The following SNX7 variants were observed in gnomAD, a reference collection of about 807,000 sequenced individuals.
The protein encoded by SNX7 is sorting nexin 7, also known as sorting nexin-7.
Under a neutral mutation model 48.4 loss-of-function variants are expected in SNX7, and 35 were observed. That is an observed-to-expected ratio of 0.72 (90% CI 0.55 to 0.96). SNX7 has a LOEUF of 0.96. Ranked by LOEUF, SNX7 falls within the 40% of genes least tolerant of loss-of-function variation. The pLI, the probability that SNX7 is intolerant of heterozygous loss-of-function variation, is 0.00. For missense variants in SNX7, 553 were observed against 548.9 expected (o/e 1.01, Z -0.07); for synonymous variants, 190 against 190.2 (o/e 1.00, Z 0.01).
chr1:98,714,799 G>A (rs542436580), intron 7 of SNX7, among the ~76,000 whole-genome samples: 1 of 152,294 alleles, frequency 6.6e-6, no homozygotes, highest in African/African-American at 2.4e-5. Flanking sequence ...GACTGAAAGC[G>A]AGCGGACGAA....
intron 7 of SNX7, among the ~76,000 whole-genome samples, chr1:98,719,659 T>A (rs552520066): frequency 1.3e-5 from 2 of 151,792 alleles, no homozygotes; most frequent in East Asian, 3.9e-4. Context: ...CTAGCAGAAG[T>A]TTCTAGTTTT....
chr1:98,666,079 T>C (rs1049656064), intron 1 of SNX7, among the ~76,000 whole-genome samples: 4 of 152,236 alleles, frequency 2.6e-5, no homozygotes, highest in Admixed American at 6.5e-5. Context: ...TGCTTACTAA[T>C]TTCTCACATA....
Position 98,691,067 on chromosome 1 carries a change from T to C in SNX7, c.364-8T>C. The C allele has an allele frequency of 6.3e-7, 1 of 1,583,694 alleles. No individual in the cohort carries two copies. The highest frequency in any genetic ancestry group is 8.6e-7 in the Non-Finnish European group (1 of 1,157,396). On this transcript the variant is annotated splice_polypyrimidine_tract_variant and splice_region_variant and intron_variant, in intron 2 of 8. Coordinates refer to ENST00000306121, the MANE Select transcript of SNX7 (RefSeq NM_015976.5). The stretch of plus-strand genomic sequence containing the variant: ...GCATGTGCTGTTATTTTCTCTTACT[T>C]TCTTCAGACATCTCGTGGGGAATTT...
intron 1 of SNX7, among the ~76,000 whole-genome samples, chr1:98,678,614 T>C (rs1650305024): frequency 6.6e-6 from 1 of 152,150 alleles, no homozygotes; most frequent in Non-Finnish European, 1.5e-5. Flanking sequence ...TTCTAAAAAG[T>C]AAAGTGCTCA....
chr1:98,661,829 G>A lies in SNX7; in HGVS notation c.98G>A (p.Gly33Asp), dbSNP rs1041923379. 1.4e-5 allele frequency: 18 copies of A among 1,246,080 alleles called. No homozygotes were observed. Among genetic ancestry groups the A allele is most frequent in the African/African-American group, 1.6e-5 (1 of 64,320 alleles). 77.2% of individuals were successfully genotyped at this position (1,246,080 alleles called of 1,614,324 possible). Residue 33 changes from glycine to aspartate, a missense_variant, in exon 1 of 9, where the codon GGC becomes GAC. By Grantham distance (94) the Gly-to-Asp change is moderately conservative (BLOSUM62 -1). Coordinates refer to ENST00000306121, the MANE Select transcript of SNX7 (RefSeq NM_015976.5). ...ESPGGGAPFPGSSGSSALLQA... is the reference protein window; with the variant it reads ...ESPGGGAPFPDSSGSSALLQA... Reference sequence around the variant, plus strand: ...CCGGGGGGCGGCGCCCCCTTTCCGGGCAGCAGTGGCTCTTCCGCCCTGCTG... The same window carrying A: ...CCGGGGGGCGGCGCCCCCTTTCCGGACAGCAGTGGCTCTTCCGCCCTGCTG...
chr1:98,661,671 C>T, upstream of SNX7: 7 of 1,184,186 alleles, frequency 5.9e-6, no homozygotes, highest in Non-Finnish European at 7.3e-6. Flanking sequence ...AGCCAATGGG[C>T]ACGCTCGGGG....
intron 8 of SNX7, among the ~76,000 whole-genome samples, chr1:98,740,878 G>A (rs1414622589): frequency 6.6e-6 from 1 of 151,974 alleles, no homozygotes; most frequent in Non-Finnish European, 1.5e-5. Context: ...TTTCTCTTTT[G>A]TATAACTTCC....
chr1:98,739,544 C>T (rs958663880), intron 8 of SNX7, among the ~76,000 whole-genome samples: 7 of 151,938 alleles, frequency 4.6e-5, no homozygotes, highest in African/African-American at 1.5e-4. Flanking sequence ...TAGTTACAGC[C>T]AATGAAGGAA....
intron 1 of SNX7, among the ~76,000 whole-genome samples, chr1:98,678,806 T>C (rs1650317096): frequency 6.6e-6 from 1 of 152,202 alleles, no homozygotes. Context: ...GTCATATAAT[T>C]AATTTAAACA....
At position 98,739,257 on chromosome 1, in the gene SNX7, C is replaced by A. The variant is rs1425819867; in HGVS notation, c.1278+868C>A. 2.0e-5 allele frequency among the ~76,000 whole-genome samples: 3 copies of A among 152,106 alleles called. No individual in the cohort carries two copies. In the East Asian group the frequency reaches 5.8e-4, roughly 29 times the overall value. The stretch of plus-strand genomic sequence containing the variant: ...GGAGTAGAGCTCAGGCAGTAATGCT[C>A]ACCCGCCGCTCACCTCCTGCTGTGC... On this transcript the variant is annotated intron_variant, in intron 8 of 8. Transcript: ENST00000306121.
At chr1:98,719,172 G>A (rs556593664) in intron 7 of SNX7, among the ~76,000 whole-genome samples, 1 of 152,208 alleles carries the variant, frequency 6.6e-6, no homozygotes. Context: ...GATAATAATA[G>A]TACCTAGCTC....
At chr1:98,673,355 C>T (rs897132232) in intron 1 of SNX7, among the ~76,000 whole-genome samples, 3 of 152,172 alleles carry the variant, frequency 2.0e-5, no homozygotes, top group Non-Finnish European at 2.9e-5. Flanking sequence ...CTCCTTCTCA[C>T]GTTACCTCCT....
chr1:98,664,894 CACAAATGGTA>C (rs1377759005), intron 1 of SNX7, among the ~76,000 whole-genome samples: 3 of 152,016 alleles, frequency 2.0e-5, no homozygotes, highest in Non-Finnish European at 2.9e-5. Flanking sequence ...AAAAAAGATA[CACAAATGGTA>C]ACAAGAGCCT....
chr1:98,690,203 T>C (rs1651036662), intron 2 of SNX7, among the ~76,000 whole-genome samples: 1 of 152,132 alleles, frequency 6.6e-6, no homozygotes, highest in African/African-American at 2.4e-5. Context: ...AACCTAAATA[T>C]TACTGCATGT....
intron 1 of SNX7, among the ~76,000 whole-genome samples, chr1:98,680,258 G>C (rs1342985827): frequency 6.6e-6 from 1 of 152,138 alleles, no homozygotes; most frequent in South Asian, 2.1e-4. Context: ...AGCAGCTGGA[G>C]TGGCTGGGAC....
intron 7 of SNX7, among the ~76,000 whole-genome samples, chr1:98,722,058 A>G (rs1171234197): frequency 2.6e-5 from 4 of 152,048 alleles, no homozygotes; most frequent in Admixed American, 6.6e-5. Context: ...GTTTCCTGCA[A>G]TGTCACAAAA....
At chr1:98,672,647 G>C (rs1649931515) in intron 1 of SNX7, among the ~76,000 whole-genome samples, 1 of 151,928 alleles carries the variant, frequency 6.6e-6, no homozygotes, top group South Asian at 2.1e-4. Context: ...TCAAGTGGCC[G>C]GGCGCGGTGG....
chr1:98,701,684 A>T, intron 6 of SNX7, 133 bp from the exon 7 acceptor site: 1 of 513,810 alleles, frequency 1.9e-6, no homozygotes, highest in Non-Finnish European at 3.3e-6. Context: ...AACTTTTTAA[A>T]TGTATTATAT....
At chr1:98,705,131 G>A (rs1407829488) in intron 7 of SNX7, among the ~76,000 whole-genome samples, 1 of 152,160 alleles carries the variant, frequency 6.6e-6, no homozygotes, top group African/African-American at 2.4e-5. Context: ...ATATCTGACA[G>A]TGAGTCCTTG....
Sources: allele counts gnomAD v4.1 joint callset (sites outside exome capture counted in the v4.1 genomes callset), GRCh38; gene constraint gnomAD v4.1.1; transcripts MANE v1.5; gene names NCBI Gene and HGNC (gene_info 2026-07-23, HGNC 2026-07-21).